Variants in SPECC1L observed in about 807,000 individuals in gnomAD.
SPECC1L encodes the protein sperm antigen with calponin homology and coiled-coil domains 1 like, also known as cytospin-A.
A neutral mutation model predicts 116.8 loss-of-function variants in SPECC1L; 40 were observed. The observed-to-expected ratio is 0.34, with a 90% CI of 0.27 to 0.45. SPECC1L has a LOEUF of 0.45. SPECC1L is among the 20% of genes least tolerant of loss of function. The pLI is 1.00. For synonymous variants in SPECC1L, 504 were observed against 500.6 expected (o/e 1.01, Z -0.09); for missense variants, 1,110 against 1,373.6 (o/e 0.81, Z 3.03).
At chr22:24,410,889 T>G (rs1475479130) in intron 14 of SPECC1L, among the ~76,000 whole-genome samples, 1 of 152,118 alleles carries the variant, frequency 6.6e-6, no homozygotes, top group East Asian at 1.9e-4. Context: ...CATGGTGCTT[T>G]AAAGGTCATT....
At chr22:24,377,654 TCTA>T (rs2041996372) in intron 14 of SPECC1L, among the ~76,000 whole-genome samples, 1 of 152,212 alleles carries the variant, frequency 6.6e-6, no homozygotes, top group African/African-American at 2.4e-5. Flanking sequence ...CACTCCTTGA[TCTA>T]TGAGCTGCAG....
At chr22:24,272,431 G>C (rs538969739) in intron 1 of SPECC1L, among the ~76,000 whole-genome samples, 1 of 152,214 alleles carries the variant, frequency 6.6e-6, no homozygotes, top group South Asian at 2.1e-4. Context: ...ACAGTAGTTT[G>C]GGAGGCCGAG....
At chr22:24,325,490 T>A (rs1043134337) in intron 6 of SPECC1L, among the ~76,000 whole-genome samples, 1 of 152,206 alleles carries the variant, frequency 6.6e-6, no homozygotes, top group Non-Finnish European at 1.5e-5. Flanking sequence ...TGCATTTTAT[T>A]CTGTCTGAGT....
At chr22:24,299,180 T>G (rs1601516496) in intron 2 of SPECC1L, among the ~76,000 whole-genome samples, 1 of 152,194 alleles carries the variant, frequency 6.6e-6, no homozygotes. Flanking sequence ...GTTTTTATAT[T>G]ATAGTTGCTG....
chr22:24,391,321 T>G (rs1047457298), intron 14 of SPECC1L, among the ~76,000 whole-genome samples: 2 of 152,220 alleles, frequency 1.3e-5, no homozygotes, highest in African/African-American at 4.8e-5. Flanking sequence ...AGAATCACAG[T>G]GTACTTACTG....
intron 2 of SPECC1L, among the ~76,000 whole-genome samples, chr22:24,281,698 A>G (rs1478261354): frequency 6.6e-6 from 1 of 152,196 alleles, no homozygotes; most frequent in African/African-American, 2.4e-5. Flanking sequence ...GATGGATTCC[A>G]TTGGCTATTC....
chr22:24,346,041 A>G (rs62233133), intron 10 of SPECC1L, among the ~76,000 whole-genome samples: 10 of 150,946 alleles, frequency 6.6e-5, no homozygotes, highest in Admixed American at 6.6e-4. Flanking sequence ...GAGTCTCACA[A>G]TGTCACCCGG....
chr22:24,283,182 C>T (rs911727820), intron 2 of SPECC1L, among the ~76,000 whole-genome samples: 2 of 152,078 alleles, frequency 1.3e-5, no homozygotes, highest in Admixed American at 6.6e-5. Flanking sequence ...GGGTTCACAC[C>T]ATTCTCCTGC....
At position 24,322,011 on chromosome 22, in the gene SPECC1L, A is replaced by G. The variant is rs200018524; in HGVS notation, c.1031A>G (p.Asn344Ser). ...CATCAGCACAGTAACTCCATGGACA[A>G]TTTAGACAGTGAGTGCAGTGAGGTC... The part of the protein sequence containing the change: ...MDHQHSNSMD[N>S]LDSECSEVYQ... The change falls in exon 5 of 17, where the codon AAT (asparagine) becomes AGT (serine). Residue 344 changes from asparagine to serine, a missense_variant. Asn to Ser is a conservative substitution (Grantham distance 46, BLOSUM62 1). Around this residue, in one of 4 missense-constraint regions of SPECC1L, gnomAD observed 437 missense variants for 482.6 expected, o/e 0.91. Transcript: ENST00000314328. The G allele has an allele frequency of 1.2e-6, 2 of 1,614,068 alleles. No individual in the cohort carries two copies. Among genetic ancestry groups the G allele is most frequent in the Non-Finnish European group, 1.7e-6 (2 of 1,180,034 alleles).
At chr22:24,313,663 T>A (rs1372758117) in intron 4 of SPECC1L, among the ~76,000 whole-genome samples, 197 bp downstream of exon 4, 1 of 151,964 alleles carries the variant, frequency 6.6e-6, no homozygotes, top group Admixed American at 6.6e-5. Flanking sequence ...CACCCTTCCC[T>A]CTTATTATTT....
intron 6 of SPECC1L, among the ~76,000 whole-genome samples, chr22:24,328,269 G>T (rs2040870231): frequency 6.6e-6 from 1 of 152,058 alleles, no homozygotes; most frequent in South Asian, 2.1e-4. Flanking sequence ...GAATGAAATT[G>T]TTCTAAGAAA....
chr22:24,291,297 C>T (rs1425911317), intron 2 of SPECC1L, among the ~76,000 whole-genome samples: 3 of 152,200 alleles, frequency 2.0e-5, no homozygotes, highest in Non-Finnish European at 4.4e-5. Flanking sequence ...TACTAATCCA[C>T]TCTCCTTTAT....
intron 6 of SPECC1L, among the ~76,000 whole-genome samples, chr22:24,326,223 G>A (rs1450917664): frequency 6.6e-6 from 1 of 152,174 alleles, no homozygotes; most frequent in Admixed American, 6.5e-5. Context: ...GTGCCACCAC[G>A]CCTGACCGCC....
At chr22:24,404,779 G>A (rs770468110) in intron 14 of SPECC1L, among the ~76,000 whole-genome samples, 19 of 152,090 alleles carry the variant, frequency 1.2e-4, no homozygotes, top group Non-Finnish European at 2.4e-4. Flanking sequence ...CAAGATGCCC[G>A]CCCACCCATG....
At chr22:24,354,894 C>T (rs539973672) in intron 11 of SPECC1L, among the ~76,000 whole-genome samples, 17 of 151,926 alleles carry the variant, frequency 1.1e-4, no homozygotes, top group African/African-American at 3.9e-4. Context: ...TTGTGATTCA[C>T]CCACGTCGGC....
intron 2 of SPECC1L, among the ~76,000 whole-genome samples, chr22:24,294,679 G>A (rs984275951): frequency 2.8e-4 from 43 of 152,132 alleles, no homozygotes; most frequent in South Asian, 6.2e-4. Context: ...CACTGGGGCC[G>A]GCCTGTCCTA....
intron 2 of SPECC1L, among the ~76,000 whole-genome samples, chr22:24,295,253 A>G (rs927282580): frequency 1.3e-5 from 2 of 151,180 alleles, no homozygotes; most frequent in Admixed American, 6.6e-5. Context: ...ATATTTTAAT[A>G]TTAAATTATG....
chr22:24,351,685 A>G (rs2041427375), intron 11 of SPECC1L, among the ~76,000 whole-genome samples: 1 of 152,122 alleles, frequency 6.6e-6, no homozygotes, highest in African/African-American at 2.4e-5. Context: ...CACTCAGAAA[A>G]CTAAGAACAA....
chr22:24,351,275 C>G (rs180698081), intron 11 of SPECC1L, among the ~76,000 whole-genome samples: 19 of 152,224 alleles, frequency 1.2e-4, no homozygotes, highest in Middle Eastern at 3.4e-3. Context: ...CACAAGCACC[C>G]CAAGTGACTC....
Sources: allele counts gnomAD v4.1 joint callset (sites outside exome capture counted in the v4.1 genomes callset), GRCh38; gene constraint gnomAD v4.1.1; regional missense constraint gnomAD v4.1.1; transcripts MANE v1.5; gene names NCBI Gene and HGNC (gene_info 2026-07-23, HGNC 2026-07-21).